Variants in TMEM86A observed in about 807,000 individuals in gnomAD.
TMEM86A encodes the protein transmembrane protein 86A.
In TMEM86A, 13 loss-of-function variants were observed where a neutral mutation model predicts 19.8. That is an observed-to-expected ratio of 0.66 (90% confidence interval 0.43 to 1.04). The LOEUF is 1.04. TMEM86A is among the 50% of genes least tolerant of loss of function. The probability of loss-of-function intolerance (pLI) is 0.00; values close to 1 mark genes in which losing one functional copy is unlikely to be tolerated. For missense variants in TMEM86A, 248 were observed against 306.8 expected, an observed-to-expected ratio of 0.81 and a Z score of 1.43; for synonymous variants, 128 against 129.9, an observed-to-expected ratio of 0.99 and a Z score of 0.10.
rs945191374 is a variant in TMEM86A, at chr11:18,703,486, C to T, written c.*1477C>T. The T allele has an allele frequency of 5.2e-5, 8 of 152,476 alleles. No individual in the cohort carries two copies. The highest frequency in any genetic ancestry group is 1.9e-4 in the African/African-American group (8 of 41,582). 9.4% of individuals were successfully genotyped at this position (152,476 alleles called of 1,614,324 possible). On this transcript the variant is annotated 3_prime_UTR_variant, in exon 3 of 3. Coordinates refer to ENST00000280734, the MANE Select transcript of TMEM86A (RefSeq NM_153347.3). ...GACCTGCTGCTTCCTTCAAAATGAT[C>T]CAGATTCCCTTCAAGCATCTCCCTC...
rs143028005 is a variant in TMEM86A, at chr11:18,702,566, C to T, written c.*557C>T. The T allele has an allele frequency of 6.7e-3, 1,070 of 159,870 alleles. 43 individuals carry two copies. Among genetic ancestry groups the T allele is most frequent in the Admixed American group, 0.054 (940 of 17,262 alleles). The allele number at this position is 159,870 out of a possible 1,614,324, so 9.9% of individuals were successfully genotyped here. A position where few individuals can be genotyped will look rare whatever the true frequency, so the allele number is the denominator to read the frequency against. ...CTTCTATCCTTGTTACTTGAACAAT[C>T]TCAGTCTCTAAGTGGTGGGTGGGGA... is the stretch of plus-strand genomic sequence containing the variant. On this transcript the variant is annotated 3_prime_UTR_variant, in exon 3 of 3. Coordinates refer to ENST00000280734, the MANE Select transcript of TMEM86A (RefSeq NM_153347.3).
At position 18,701,373 on chromosome 11, in the gene TMEM86A, T is replaced by C. The variant is rs1003117390; in HGVS notation, c.286+176T>C. On this transcript the variant is annotated intron_variant, in intron 2 of 2. Coordinates refer to ENST00000280734, the MANE Select transcript of TMEM86A (RefSeq NM_153347.3). This position sits in a 1 kb window ranked among gnomAD's most constrained non-coding sequence, Gnocchi z 5.3. The stretch of plus-strand genomic sequence containing the variant: ...TTAGGGGATGACCTCGCAGGGGAAC[T>C]AGTGATCAGTTCCAGAGTCCTTCAG... Among the ~76,000 whole-genome samples the C allele has an allele frequency of 2.0e-5, 3 of 152,134 alleles. No homozygotes were observed. The highest frequency in any genetic ancestry group is 4.4e-5 in the Non-Finnish European group (3 of 68,016).
chr11:18,701,255 T>G lies in TMEM86A; in HGVS notation c.286+58T>G. 1 of 1,570,788 alleles carries G rather than the reference T, an allele frequency of 6.4e-7. No homozygotes were observed. Among genetic ancestry groups the G allele is most frequent in the Non-Finnish European group, 8.6e-7 (1 of 1,158,878 alleles). ...CCTGGGGCTGGGGGATAGAGGGTCC[T>G]GGGCTGTGGGCAAAGATTTGGAAGA... On this transcript the variant is annotated intron_variant, in intron 2 of 2. Transcript: ENST00000280734. This position sits in a 1 kb window ranked among gnomAD's most constrained non-coding sequence, Gnocchi z 5.3.
In TMEM86A at chr11:18,702,977, C is replaced by G. The variant is rs527865526; in HGVS notation, c.*968C>G. The G allele has an allele frequency of 6.5e-6, 1 of 152,836 alleles. No individual in the cohort carries two copies. Among genetic ancestry groups the G allele is most frequent in the East Asian group, 1.9e-4 (1 of 5,194 alleles). The allele number at this position is 152,836 out of a possible 1,614,324, so 9.5% of individuals were successfully genotyped here. ...TGCTTTCCTCCTTGTCCCTCCTACACTAGGAGCAAGAGGAGGGGGCTCCAA... is the reference window on the plus strand; with the variant it reads ...TGCTTTCCTCCTTGTCCCTCCTACAGTAGGAGCAAGAGGAGGGGGCTCCAA... On this transcript the variant is annotated 3_prime_UTR_variant, in exon 3 of 3. Transcript: ENST00000280734.
In TMEM86A at chr11:18,701,458, G is replaced by A. The variant is rs1294808349; in HGVS notation, c.287-115G>A. On this transcript the variant is annotated intron_variant, in intron 2 of 2. Coordinates refer to ENST00000280734, the MANE Select transcript of TMEM86A (RefSeq NM_153347.3). The surrounding 1 kb of genome is among the most constrained non-coding windows in gnomAD (Gnocchi z 5.3). ...CCTACCCCTGTTATCCCAAAGCAAAGCTGCTGGGTTATCCCAAACACTCCA... is the reference window on the plus strand; with the variant it reads ...CCTACCCCTGTTATCCCAAAGCAAAACTGCTGGGTTATCCCAAACACTCCA... 9 of 1,235,008 alleles carry A rather than the reference G, an allele frequency of 7.3e-6. No individual in the cohort carries two copies. The highest frequency in any genetic ancestry group is 9.0e-6 in the Non-Finnish European group (8 of 886,784). The allele number at this position is 1,235,008 out of a possible 1,614,324, so 76.5% of individuals were successfully genotyped here. A position where few individuals can be genotyped will look rare whatever the true frequency, so the allele number is the denominator to read the frequency against.
In TMEM86A at chr11:18,704,066, G is replaced by A. The variant is rs1848176396; in HGVS notation, c.*2057G>A. ...CAGACCTACCTAGTGTGAAGAAATG[G>A]GAGGGAGCAGGATGGAGAGCAGGAT... On this transcript the variant is annotated 3_prime_UTR_variant, in exon 3 of 3. Coordinates refer to ENST00000280734, the MANE Select transcript of TMEM86A (RefSeq NM_153347.3). 4.9e-6 allele frequency: 1 copy of A among 203,208 alleles called. No homozygotes were observed. The highest frequency in any genetic ancestry group is 2.3e-5 in the African/African-American group (1 of 43,760). 12.6% of individuals were successfully genotyped at this position (203,208 alleles called of 1,614,324 possible).
In TMEM86A at chr11:18,700,434, A is replaced by G. The variant is rs550389034; in HGVS notation, c.22-499A>G. ...GAGGAACAGACTGGTTGAGGAGGAGAGAGGCTGTGGTGGCTGAGGTGATTG... is the reference window on the plus strand; with the variant it reads ...GAGGAACAGACTGGTTGAGGAGGAGGGAGGCTGTGGTGGCTGAGGTGATTG... On this transcript the variant is annotated intron_variant, in intron 1 of 2. Transcript: ENST00000280734. 1.7e-4 allele frequency among the ~76,000 whole-genome samples: 26 copies of G among 152,172 alleles called. No homozygotes were observed. The South Asian group carries it at 3.1e-3, about 18-fold the overall frequency.
Position 18,704,404 on chromosome 11 carries a change from G to T in TMEM86A, c.*2395G>T. ...AACTGGGCTTCCTACACTGGGCCAT[G>T]CAGAGGACAGGCCAAGAAACTCCAC... is the stretch of plus-strand genomic sequence containing the variant. On this transcript the variant is annotated 3_prime_UTR_variant, in exon 3 of 3. Transcript: ENST00000280734. 1 of 1,089,448 alleles carries T rather than the reference G, an allele frequency of 9.2e-7. No individual in the cohort carries two copies. Among genetic ancestry groups the T allele is most frequent in the Non-Finnish European group, 1.4e-6 (1 of 726,392 alleles). The allele number at this position is 1,089,448 out of a possible 1,614,324, so 67.5% of individuals were successfully genotyped here. A position where few individuals can be genotyped will look rare whatever the true frequency, so the allele number is the denominator to read the frequency against.
Position 18,702,288 on chromosome 11 carries a change from C to A in TMEM86A, c.*279C>A. The A allele has an allele frequency of 2.1e-6, 1 of 483,104 alleles. No individual in the cohort carries two copies. The highest frequency in any genetic ancestry group is 3.8e-6 in the Non-Finnish European group (1 of 265,236). 29.9% of individuals were successfully genotyped at this position (483,104 alleles called of 1,614,324 possible). Reference sequence around the variant, plus strand: ...CCCTATCAGGACTTTCAAAACCCCCCTGGAAGGTGATGGTGCTCAGCTTCT... The same window carrying A: ...CCCTATCAGGACTTTCAAAACCCCCATGGAAGGTGATGGTGCTCAGCTTCT... On this transcript the variant is annotated 3_prime_UTR_variant, in exon 3 of 3. Transcript: ENST00000280734.
rs910378421 is a variant in TMEM86A, at chr11:18,701,468, T to C, written c.287-105T>C. 1 of 1,300,412 alleles carries C rather than the reference T, an allele frequency of 7.7e-7. No individual in the cohort carries two copies. Among genetic ancestry groups the C allele is most frequent in the African/African-American group, 1.5e-5 (1 of 67,454 alleles). The allele number at this position is 1,300,412 out of a possible 1,614,324, so 80.6% of individuals were successfully genotyped here. A position where few individuals can be genotyped will look rare whatever the true frequency, so the allele number is the denominator to read the frequency against. ...TTATCCCAAAGCAAAGCTGCTGGGT[T>C]ATCCCAAACACTCCACTCCATCGCC... is the stretch of plus-strand genomic sequence containing the variant. On this transcript the variant is annotated intron_variant, in intron 2 of 2. Transcript: ENST00000280734. The surrounding 1 kb of genome is among the most constrained non-coding windows in gnomAD (Gnocchi z 5.3).
At position 18,698,901 on chromosome 11, in the gene TMEM86A, C is replaced by A. The variant is rs1273151748; in HGVS notation, c.15C>A (p.Val5=). 2 of 677,470 alleles carry A rather than the reference C, an allele frequency of 3.0e-6. No homozygotes were observed. Among genetic ancestry groups the A allele is most frequent in the Non-Finnish European group, 5.3e-6 (2 of 378,652 alleles). The allele number at this position is 677,470 out of a possible 1,614,324, so 42.0% of individuals were successfully genotyped here. ...CCGCCGCCGCCATGGTGTCCCCGGT[C>A]ACTGTGGTGAGTGAGCGAGCGAGCG... MVSP[V]TVVKSEGPKL... Residue 5 remains valine (V), a synonymous_variant, in exon 1 of 3, where the codon GTC becomes GTA. Transcript: ENST00000280734.
intron 1 of TMEM86A, among the ~76,000 whole-genome samples, chr11:18,700,431 G>C (rs1035194990): frequency 4.2e-4 from 64 of 152,180 alleles, no homozygotes; most frequent in Admixed American, 5.2e-4. Flanking sequence ...GGTTGAGGAG[G>C]AGAGAGGCTG....
Position 18,704,471 on chromosome 11 carries a change from CAT to C in TMEM86A, c.*2463_*2464del. ...GATGCCTGGGCTTGGCTGGAGCTCACATGAGGTGCTTTGATTTCTTCTGCAGA... is the reference window on the plus strand; with the variant it reads ...GATGCCTGGGCTTGGCTGGAGCTCACGAGGTGCTTTGATTTCTTCTGCAGA... On this transcript the variant is annotated 3_prime_UTR_variant, in exon 3 of 3. Transcript: ENST00000280734. 1 of 1,549,530 alleles carries C rather than the reference CAT, an allele frequency of 6.5e-7. No homozygotes were observed. The highest frequency in any genetic ancestry group is 8.7e-7 in the Non-Finnish European group (1 of 1,145,148).
Position 18,704,756 on chromosome 11 carries a change from A to G in TMEM86A, c.*2747A>G, listed in dbSNP as rs1004992602. The G allele has an allele frequency of 1.9e-6, 1 of 529,004 alleles. No individual in the cohort carries two copies. The highest frequency in any genetic ancestry group is 3.4e-6 in the Non-Finnish European group (1 of 292,572). The allele number at this position is 529,004 out of a possible 1,614,324, so 32.8% of individuals were successfully genotyped here. Reference sequence around the variant, plus strand: ...TTGTGTACTGTCTCATTTAAGCCTCATAGTCCTATAAAGAAGATGAGAAAA... The same window carrying G: ...TTGTGTACTGTCTCATTTAAGCCTCGTAGTCCTATAAAGAAGATGAGAAAA... On this transcript the variant is annotated 3_prime_UTR_variant, in exon 3 of 3. Transcript: ENST00000280734.
At position 18,701,541 on chromosome 11, in the gene TMEM86A, C is replaced by T; in HGVS notation, c.287-32C>T. 1 of 1,528,876 alleles carries T rather than the reference C, an allele frequency of 6.5e-7. No homozygotes were observed. The highest frequency in any genetic ancestry group is 1.8e-4 in the Middle Eastern group (1 of 5,622). 94.7% of individuals were successfully genotyped at this position (1,528,876 alleles called of 1,614,324 possible). On this transcript the variant is annotated intron_variant, in intron 2 of 2. Coordinates refer to ENST00000280734, the MANE Select transcript of TMEM86A (RefSeq NM_153347.3). The surrounding 1 kb of genome is among the most constrained non-coding windows in gnomAD (Gnocchi z 5.3). ...TGTTACTCATTCTTCATCAAGCTTG[C>T]CCTCAGCTGCCTTTGCCCCTCTTAC...
Position 18,704,562 on chromosome 11 carries a change from G to T in TMEM86A, c.*2553G>T. On this transcript the variant is annotated 3_prime_UTR_variant, in exon 3 of 3. Transcript: ENST00000280734. ...GTCTGAAAGAGCAAAGGAAGTATTC[G>T]TTATATTAATGATGCTGGCGACCAG... 2.1e-6 allele frequency: 3 copies of T among 1,462,276 alleles called. No individual in the cohort carries two copies. The highest frequency in any genetic ancestry group is 2.8e-6 in the Non-Finnish European group (3 of 1,068,606). The allele number at this position is 1,462,276 out of a possible 1,614,324, so 90.6% of individuals were successfully genotyped here.
At chr11:18,700,648 G>T in intron 1 of TMEM86A, 1 of 519,334 alleles carries the variant, frequency 1.9e-6, no homozygotes, top group Non-Finnish European at 3.5e-6. Context: ...GGCTAAAGGG[G>T]CCCTGAGGAG....
intron 1 of TMEM86A, 38 bp downstream of exon 1, chr11:18,698,945 C>G: frequency 1.7e-6 from 1 of 582,442 alleles, no homozygotes; most frequent in South Asian, 2.1e-5. Context: ...CCCGGCGCGG[C>G]TGGAGCCCAC....
chr11:18,700,955 T>A lies in TMEM86A; in HGVS notation c.44T>A (p.Leu15Gln). 1.2e-6 allele frequency: 2 copies of A among 1,614,160 alleles called. No individual in the cohort carries two copies. The highest frequency in any genetic ancestry group is 1.7e-6 in the Non-Finnish European group (2 of 1,180,022). ...VTVVKSEGPKLVPFFKATCVY... is the reference protein window; with the variant it reads ...VTVVKSEGPKQVPFFKATCVY... ...CAGGTGAAGAGTGAAGGACCCAAAC[T>A]GGTGCCGTTCTTCAAGGCCACCTGC... Residue 15 changes from leucine (L) to glutamine (Q), a missense_variant, in exon 2 of 3, where the codon CTG becomes CAG. Transcript: ENST00000280734.
Sources: gnomAD v4.1 joint callset for allele counts (sites outside exome capture counted in the v4.1 genomes callset) on GRCh38, gnomAD v4.1.1 for gene constraint, Gnocchi (gnomAD v3.1) non-coding constraint, MANE v1.5 for transcripts, NCBI Gene and HGNC (gene_info 2026-07-23, HGNC 2026-07-21) for gene names.